Variants in PM20D2 observed in about 807,000 individuals in gnomAD.
PM20D2 encodes peptidase M20 domain containing 2.
In PM20D2, 33 loss-of-function variants were observed where a neutral mutation model predicts 42.9. That is an observed-to-expected ratio of 0.77 (90% CI 0.58 to 1.03). The LOEUF is 1.03. Ranked by LOEUF, PM20D2 falls within the 50% of genes least tolerant of loss-of-function variation. The pLI, the probability that PM20D2 is intolerant of heterozygous loss-of-function variation, is 0.00. For synonymous variants in PM20D2, 250 were observed against 228.2 expected, an observed-to-expected ratio of 1.10 and a Z score of -0.86; for missense variants, 548 against 557.0, an observed-to-expected ratio of 0.98 and a Z score of 0.16.
At chr6:89,103,991 C>CT in the PM20D2 span, among the ~76,000 whole-genome samples, 1,662 of 81,946 alleles carry the variant, frequency 0.02, 217 homozygotes, top group African/African-American at 0.052. Context: ...TATTATATTT[C>CT]TTTTTTTTTT....
intron 1 of PM20D2, among the ~76,000 whole-genome samples, chr6:89,147,506 A>AG (rs1770630221): frequency 6.6e-6 from 1 of 151,460 alleles, no homozygotes. Flanking sequence ...TGCATTTGTT[A>AG]GGTTTTTGTT....
the PM20D2 span, chr6:89,106,871 G>A: frequency 5.4e-5 from 24 of 442,074 alleles, no homozygotes; most frequent in Non-Finnish European, 3.9e-5. Context: ...CCCTCTTCCA[G>A]GTCTTTATAT....
the PM20D2 span, among the ~76,000 whole-genome samples, chr6:89,118,423 AG>A: frequency 5.3e-5 from 8 of 152,190 alleles, no homozygotes; most frequent in African/African-American, 1.9e-4. Context: ...GGCAGTTGGT[AG>A]GCCTCCTGCC....
chr6:89,132,963 C>A, the PM20D2 span, among the ~76,000 whole-genome samples: 1 of 149,570 alleles, frequency 6.7e-6, no homozygotes, highest in Non-Finnish European at 1.5e-5. Flanking sequence ...CGGCTCATAC[C>A]TGTAGTCTCA....
the PM20D2 span, chr6:89,098,866 C>T: frequency 1.9e-6 from 3 of 1,613,928 alleles, no homozygotes; most frequent in East Asian, 2.2e-5. Flanking sequence ...GAGTTCTTGA[C>T]TGCCTTGCTG....
the PM20D2 span, among the ~76,000 whole-genome samples, chr6:89,127,809 C>T: frequency 6.6e-6 from 1 of 152,144 alleles, no homozygotes; most frequent in Admixed American, 6.5e-5. Context: ...AAGTCAGGGA[C>T]CCCCAAATGG....
At chr6:89,103,750 G>A in the PM20D2 span, among the ~76,000 whole-genome samples, 1,862 of 152,054 alleles carry the variant, frequency 0.012, 28 homozygotes, top group Non-Finnish European at 0.015. Context: ...GTGAGCCACT[G>A]CACCTGGTCC....
upstream of PM20D2, chr6:89,145,988 G>C (rs1359579584): frequency 1.8e-6 from 1 of 561,016 alleles, no homozygotes; most frequent in Non-Finnish European, 2.7e-6. Flanking sequence ...GCGGCGCCGG[G>C]GGCGGCCCCG....
At chr6:89,120,806 G>A in the PM20D2 span, among the ~76,000 whole-genome samples, 287 of 152,292 alleles carry the variant, frequency 1.9e-3, 3 homozygotes, top group African/African-American at 6.3e-3. Context: ...CCAGGAGTTG[G>A]AGGCTGCAGT....
At position 89,146,086 on chromosome 6, in the gene PM20D2, C is replaced by A. The variant is rs112975118; in HGVS notation, c.-59C>A. ...GCCTCTGGGCGCGTGCGCGGGCGGT[C>A]GCTACCTGCGGCCGAGCCAGGGAGC... On this transcript the variant is annotated 5_prime_UTR_variant, in exon 1 of 7. Coordinates refer to ENST00000275072, the MANE Select transcript of PM20D2 (RefSeq NM_001010853.3). The A allele has an allele frequency of 1.3e-3, 1,766 of 1,345,776 alleles. 24 individuals are homozygous for A. In the African/African-American group the frequency reaches 0.025, roughly 19 times the overall value. The allele number at this position is 1,345,776 out of a possible 1,614,324, so 83.4% of individuals were successfully genotyped here. A position where few individuals can be genotyped will look rare whatever the true frequency, so the allele number is the denominator to read the frequency against.
the PM20D2 span, chr6:89,097,225 T>C: frequency 2.0e-5 from 3 of 152,198 alleles, no homozygotes; most frequent in Non-Finnish European, 4.4e-5. Flanking sequence ...ACTAACTGTA[T>C]GGATTGAGAA....
the PM20D2 span, among the ~76,000 whole-genome samples, chr6:89,122,133 A>C: frequency 1.3e-3 from 194 of 152,356 alleles, no homozygotes; most frequent in African/African-American, 4.4e-3. Context: ...GAAATTGCTG[A>C]TATGACAATA....
the PM20D2 span, among the ~76,000 whole-genome samples, chr6:89,124,336 G>C: frequency 6.6e-6 from 1 of 152,210 alleles, no homozygotes; most frequent in African/African-American, 2.4e-5. Flanking sequence ...TGTCTCATCA[G>C]TGTAACATAT....
At position 89,153,816 on chromosome 6, in the gene PM20D2, G is replaced by T. The variant is rs181952565; in HGVS notation, c.757+631G>T. On this transcript the variant is annotated intron_variant, in intron 3 of 6. Transcript: ENST00000275072. ...GGGGTCTTGCTATGTTGGCCAGGCTGGTCTCAAACTCCTGGCCTTAAGTGA... is the reference window on the plus strand; with the variant it reads ...GGGGTCTTGCTATGTTGGCCAGGCTTGTCTCAAACTCCTGGCCTTAAGTGA... Among the ~76,000 whole-genome samples the T allele has an allele frequency of 1.4e-3, 218 of 152,192 alleles. 1 individual carries two copies. The highest frequency in any genetic ancestry group is 5.2e-3 in the African/African-American group (214 of 41,520).
chr6:89,111,591 G>A, the PM20D2 span, among the ~76,000 whole-genome samples: 1 of 152,026 alleles, frequency 6.6e-6, no homozygotes, highest in Non-Finnish European at 1.5e-5. Flanking sequence ...TGTCACCTAA[G>A]AATGGTTACT....
the PM20D2 span, chr6:89,105,237 C>A: frequency 6.2e-7 from 1 of 1,610,866 alleles, no homozygotes. Flanking sequence ...GGATGACGTT[C>A]TTTTGATTTC....
At chr6:89,142,099 G>C (rs1232950747), upstream of PM20D2, among the ~76,000 whole-genome samples, 1 of 151,632 alleles carries the variant, frequency 6.6e-6, no homozygotes, top group Non-Finnish European at 1.5e-5. Flanking sequence ...TGGGATTACA[G>C]GCATGAGCCA....
chr6:89,137,566 G>A, the PM20D2 span, among the ~76,000 whole-genome samples: 1 of 152,174 alleles, frequency 6.6e-6, no homozygotes, highest in South Asian at 2.1e-4. Context: ...CAAAGAGGCT[G>A]GTAATAAGCT....
the PM20D2 span, among the ~76,000 whole-genome samples, chr6:89,129,376 T>C: frequency 2.6e-5 from 4 of 152,176 alleles, no homozygotes; most frequent in Non-Finnish European, 5.9e-5. Context: ...CCTAGCCCTC[T>C]GGGAGGCCAA....
Sources: gnomAD v4.1 joint callset for allele counts (sites outside exome capture counted in the v4.1 genomes callset) on GRCh38, gnomAD v4.1.1 for gene constraint, MANE v1.5 for transcripts, NCBI Gene and HGNC (gene_info 2026-07-23, HGNC 2026-07-21) for gene names.